KIAA1217: variants seen among roughly 807,000 people sequenced by gnomAD.
KIAA1217 encodes the protein sickle tail protein homolog.
Under a neutral mutation model 163.9 loss-of-function variants are expected in KIAA1217, and 88 were observed. The observed-to-expected ratio is 0.54, with a 90% confidence interval of 0.45 to 0.64. The LOEUF is 0.64. Among genes scored for constraint, KIAA1217 ranks in the 30% least tolerant of loss-of-function variants. The pLI, the probability that KIAA1217 is intolerant of heterozygous loss-of-function variation, is 0.00. For synonymous variants in KIAA1217, 903 were observed against 923.1 expected (o/e 0.98, Z 0.39); for missense variants, 2,372 against 2,475.0 (o/e 0.96, Z 0.88).
At chr10:23,852,613 C>T (rs551338010) in intron 1 of KIAA1217, among the ~76,000 whole-genome samples, 1 of 152,166 alleles carries the variant, frequency 6.6e-6, no homozygotes, top group Non-Finnish European at 1.5e-5. Context: ...GGCCGTATGG[C>T]CATTTTCACA....
At chr10:24,091,114 C>G (rs2061923079) in intron 2 of KIAA1217, among the ~76,000 whole-genome samples, 1 of 151,860 alleles carries the variant, frequency 6.6e-6, no homozygotes, top group Non-Finnish European at 1.5e-5. Flanking sequence ...TTATTGGTTC[C>G]TATGAGTTTT....
chr10:24,294,052 C>T (rs1396685781), intron 2 of KIAA1217, among the ~76,000 whole-genome samples: 3 of 151,860 alleles, frequency 2.0e-5, no homozygotes, highest in Non-Finnish European at 2.9e-5. Flanking sequence ...AATAGCCGGG[C>T]GTGGTGGCAG....
intron 1 of KIAA1217, among the ~76,000 whole-genome samples, chr10:23,999,447 C>G (rs1846643933): frequency 6.6e-6 from 1 of 152,176 alleles, no homozygotes; most frequent in African/African-American, 2.4e-5. Context: ...AAGCCACTCT[C>G]ACACTGCTGC....
intron 2 of KIAA1217, among the ~76,000 whole-genome samples, chr10:24,281,588 C>T (rs1401747614): frequency 6.6e-6 from 1 of 152,100 alleles, no homozygotes; most frequent in Non-Finnish European, 1.5e-5. Context: ...CTCAGACTCT[C>T]CTTGTTTTTA....
At chr10:24,201,135 G>A (rs955162341) in intron 2 of KIAA1217, among the ~76,000 whole-genome samples, 1 of 152,020 alleles carries the variant, frequency 6.6e-6, no homozygotes, top group African/African-American at 2.4e-5. Context: ...GCCAGACGTG[G>A]CGGCACGCAC....
chr10:24,351,001 C>T (rs1335881319), intron 2 of KIAA1217, among the ~76,000 whole-genome samples: 1 of 151,958 alleles, frequency 6.6e-6, no homozygotes, highest in Non-Finnish European at 1.5e-5. Flanking sequence ...GGTTGGAGTG[C>T]AAGTAGTGTG....
intron 1 of KIAA1217, among the ~76,000 whole-genome samples, chr10:23,895,234 A>C (rs1589031093): frequency 1.3e-5 from 2 of 152,198 alleles, no homozygotes; most frequent in African/African-American, 4.8e-5. Flanking sequence ...ATTTTCACAA[A>C]CTATTCATCT....
intron 2 of KIAA1217, among the ~76,000 whole-genome samples, chr10:24,377,188 A>G (rs7087699): frequency 0.045 from 6,801 of 152,188 alleles, 405 homozygotes; most frequent in East Asian, 0.17. Context: ...CCCTTCATGC[A>G]TGACCCCAAA....
chr10:24,108,374 G>A (rs2062711510), intron 2 of KIAA1217, among the ~76,000 whole-genome samples: 1 of 152,112 alleles, frequency 6.6e-6, no homozygotes, highest in South Asian at 2.1e-4. Context: ...AAAGACTTTT[G>A]AGGTTGTATA....
chr10:24,358,812 T>G (rs2049483514), intron 2 of KIAA1217, among the ~76,000 whole-genome samples: 1 of 152,256 alleles, frequency 6.6e-6, no homozygotes, highest in African/African-American at 2.4e-5. Context: ...CTTGTCACCC[T>G]TCAAACTCAC....
At chr10:24,418,983 C>T (rs2058504789) in intron 3 of KIAA1217, among the ~76,000 whole-genome samples, 1 of 151,980 alleles carries the variant, frequency 6.6e-6, no homozygotes, top group Non-Finnish European at 1.5e-5. Context: ...TTGAGACCAT[C>T]CTGGCCAACA....
At chr10:24,080,858 T>TTTTTTTTTTTTTTTTTTTTAG (rs1427889089) in intron 2 of KIAA1217, among the ~76,000 whole-genome samples, 1 of 151,744 alleles carries the variant, frequency 6.6e-6, no homozygotes, top group African/African-American at 2.4e-5. Context: ...AACTTAATCT[T>TTTTTTTTTTTTTTTTTTTTAG]AACGTTTGTC....
intron 1 of KIAA1217, among the ~76,000 whole-genome samples, chr10:23,716,518 C>T (rs768726068): frequency 2.0e-5 from 3 of 152,108 alleles, no homozygotes; most frequent in Non-Finnish European, 4.4e-5. Flanking sequence ...ACAGTGTGAA[C>T]CTGCTTTGTC....
intron 6 of KIAA1217, among the ~76,000 whole-genome samples, chr10:24,491,582 G>A (rs1055028371): frequency 7.2e-5 from 11 of 152,058 alleles, no homozygotes; most frequent in African/African-American, 2.4e-4. Flanking sequence ...GAGCCACTGC[G>A]CCCAGCCTGT....
In KIAA1217 at chr10:24,026,151, TA is replaced by T. The variant is rs571487591; in HGVS notation, c.-171+18778del. Reference sequence around the variant, plus strand: ...GTCTACTTGTATTATCCTTTTTATATAGTGCCAGTTTCAAGTTGCTAATATT... The same window carrying T: ...GTCTACTTGTATTATCCTTTTTATATGTGCCAGTTTCAAGTTGCTAATATT... On this transcript the variant is annotated intron_variant, in intron 2 of 18. Transcript: ENST00000376462. Among the ~76,000 whole-genome samples the T allele has an allele frequency of 7.8e-3, 1,188 of 152,000 alleles. 11 individuals are homozygous for T. Among genetic ancestry groups the T allele is most frequent in the Non-Finnish European group, 0.012 (785 of 67,800 alleles).
At chr10:23,838,795 T>C (rs983259139) in intron 1 of KIAA1217, among the ~76,000 whole-genome samples, 1 of 152,164 alleles carries the variant, frequency 6.6e-6, no homozygotes, top group Non-Finnish European at 1.5e-5. Context: ...TTGTAAGAGA[T>C]CTTTTTTTCT....
chr10:24,468,451 A>G (rs998453191), intron 5 of KIAA1217, among the ~76,000 whole-genome samples: 1 of 152,228 alleles, frequency 6.6e-6, no homozygotes, highest in African/African-American at 2.4e-5. Context: ...GCAAACCAAC[A>G]TAAGAATTCT....
At chr10:23,907,437 T>TGG (rs1589052803) in intron 1 of KIAA1217, among the ~76,000 whole-genome samples, 1 of 152,118 alleles carries the variant, frequency 6.6e-6, no homozygotes, top group East Asian at 1.9e-4. Flanking sequence ...AGAAGTCCTA[T>TGG]GATCTGCCAT....
At chr10:23,830,411 C>T (rs1838123475) in intron 1 of KIAA1217, among the ~76,000 whole-genome samples, 2 of 152,026 alleles carry the variant, frequency 1.3e-5, no homozygotes. Flanking sequence ...CGACCGTGTC[C>T]AGGGCTCTCT....
Sources: allele counts gnomAD v4.1 joint callset (sites outside exome capture counted in the v4.1 genomes callset), GRCh38; gene constraint gnomAD v4.1.1; transcripts MANE v1.5; gene names NCBI Gene and HGNC (gene_info 2026-07-23, HGNC 2026-07-21).